Variants in ABCA9 observed in about 807,000 individuals in gnomAD.
The protein encoded by ABCA9 is ATP-binding cassette sub-family A member 9.
A neutral mutation model predicts 205.3 loss-of-function variants in ABCA9; 183 were observed. That is an observed-to-expected ratio of 0.89 (90% CI 0.79 to 1.01). The LOEUF (loss-of-function observed/expected upper bound fraction) is 1.01, where lower values mean the gene tolerates loss of function less well. Ranked by LOEUF, ABCA9 falls within the 50% of genes least tolerant of loss-of-function variation. ABCA9 has a pLI of 0.00. For synonymous variants in ABCA9, 651 were observed against 683.3 expected (o/e 0.95, Z 0.74); for missense variants, 1,805 against 1,912.4 (o/e 0.94, Z 1.05).
intron 35 of ABCA9, 92 bp from the exon 36 acceptor site, chr17:68,983,941 T>C (rs1598329545): frequency 1.9e-6 from 3 of 1,602,620 alleles, no homozygotes; most frequent in East Asian, 2.2e-5. Context: ...TAAGGCCACA[T>C]AGAGTTGGAA....
chr17:69,071,444 G>A, the ABCA9 span, among the ~76,000 whole-genome samples: 1 of 152,306 alleles, frequency 6.6e-6, no homozygotes, highest in East Asian at 1.9e-4. Context: ...TGAGACCCAG[G>A]CAAACAGGGT....
At chr17:68,976,395 G>T (rs1310132203) in intron 37 of ABCA9, among the ~76,000 whole-genome samples, 2 of 152,126 alleles carry the variant, frequency 1.3e-5, no homozygotes. Flanking sequence ...ATTGGTAGAG[G>T]CACCACAAAA....
chr17:69,059,829 T>C (rs2072183313), intron 1 of ABCA9, among the ~76,000 whole-genome samples: 1 of 152,176 alleles, frequency 6.6e-6, no homozygotes, highest in South Asian at 2.1e-4. Flanking sequence ...CATGGACTTA[T>C]GTTTAAAAAC....
chr17:68,979,965 A>C (rs879192318), intron 37 of ABCA9, among the ~76,000 whole-genome samples: 1 of 152,236 alleles, frequency 6.6e-6, no homozygotes, highest in East Asian at 1.9e-4. Flanking sequence ...GCTTCTGCAC[A>C]GCAAAAGAAA....
intron 4 of ABCA9, 111 bp downstream of exon 4, chr17:69,045,061 C>G (rs962125600): frequency 1.5e-5 from 12 of 787,222 alleles, no homozygotes; most frequent in South Asian, 4.3e-5. Flanking sequence ...AATTAAAGCT[C>G]TATGTTGTGG....
intron 10 of ABCA9, among the ~76,000 whole-genome samples, chr17:69,029,775 A>G (rs2071100842): frequency 6.6e-6 from 1 of 152,228 alleles, no homozygotes; most frequent in African/African-American, 2.4e-5. Context: ...ATGTAGAGTA[A>G]ATAAGATAAT....
the ABCA9 span, among the ~76,000 whole-genome samples, chr17:69,070,444 G>T: frequency 6.6e-6 from 1 of 152,062 alleles, no homozygotes; most frequent in Non-Finnish European, 1.5e-5. Context: ...CATTGAGGGG[G>T]AGCAGAAGCA....
At chr17:69,038,857 A>T (rs2071433614) in intron 6 of ABCA9, among the ~76,000 whole-genome samples, 1 of 152,182 alleles carries the variant, frequency 6.6e-6, no homozygotes, top group African/African-American at 2.4e-5. Context: ...TTGATAAGCA[A>T]CTTCAGCAAA....
At chr17:68,978,512 G>T (rs1199679552) in intron 37 of ABCA9, among the ~76,000 whole-genome samples, 1 of 152,062 alleles carries the variant, frequency 6.6e-6, no homozygotes, top group African/African-American at 2.4e-5. Flanking sequence ...CCTGTCATTA[G>T]GATGTTAGCT....
intron 30 of ABCA9, among the ~76,000 whole-genome samples, chr17:68,989,454 G>A (rs537922863): frequency 1.3e-4 from 20 of 152,226 alleles, no homozygotes; most frequent in African/African-American, 4.6e-4. Flanking sequence ...CCACTTTCAC[G>A]AAATGGGCTG....
At chr17:68,977,128 G>T (rs1447466799) in intron 37 of ABCA9, among the ~76,000 whole-genome samples, 2 of 152,140 alleles carry the variant, frequency 1.3e-5, no homozygotes, top group African/African-American at 4.8e-5. Context: ...GATTTCAAAG[G>T]GGAGGTATCT....
chr17:69,031,412 A>G (rs1396589203), intron 10 of ABCA9, among the ~76,000 whole-genome samples: 1 of 152,224 alleles, frequency 6.6e-6, no homozygotes, highest in Non-Finnish European at 1.5e-5. Flanking sequence ...TGTATCATAA[A>G]TGTCCTGAGT....
At chr17:69,064,306 G>C (rs1024307835), upstream of ABCA9, among the ~76,000 whole-genome samples, 1 of 151,726 alleles carries the variant, frequency 6.6e-6, no homozygotes, top group Admixed American at 6.6e-5. Flanking sequence ...TCAGTATTTT[G>C]TTCTACTAGT....
intron 27 of ABCA9, 118 bp downstream of exon 27, chr17:68,992,898 T>A: frequency 4.1e-6 from 3 of 726,164 alleles, no homozygotes; most frequent in Non-Finnish European, 6.9e-6. Flanking sequence ...CATGTGTGTG[T>A]TGCTTCAAAT....
At position 68,984,053 on chromosome 17, in the gene ABCA9, C is replaced by T. The variant is rs1403954164; in HGVS notation, c.4499+3G>A. 3 of 1,614,118 alleles carry T rather than the reference C, an allele frequency of 1.9e-6. No homozygotes were observed. Among genetic ancestry groups the T allele is most frequent in the East Asian group, 2.2e-5 (1 of 44,874 alleles). On this transcript the variant is annotated splice_donor_region_variant and intron_variant, in intron 35 of 38. Transcript: ENST00000340001. ...CTGAGCGCCGGCTTGGACAGGCACT[C>T]ACCTCAGCCTTCCTGACACCATGAT...
chr17:69,029,203 A>G lies in ABCA9; in HGVS notation c.1470T>C (p.Tyr490=). Residue 490 remains tyrosine (Y), a synonymous_variant, in exon 11 of 39, where the codon TAT becomes TAC. Coordinates refer to ENST00000340001, the MANE Select transcript of ABCA9 (RefSeq NM_080283.4). The part of the protein sequence containing the change: ...AIRIKNLKKE[Y]AGKCERVEAL... ...CTTCTACTCTCTCACACTTCCCTGCATATTCTTTTTTAAGATTTTTGATTC... is the reference window on the plus strand; with the variant it reads ...CTTCTACTCTCTCACACTTCCCTGCGTATTCTTTTTTAAGATTTTTGATTC... The G allele has an allele frequency of 3.8e-6, 6 of 1,562,172 alleles. No homozygotes were observed. The highest frequency in any genetic ancestry group is 5.2e-6 in the Non-Finnish European group (6 of 1,143,678).
At chr17:69,071,148 G>T in the ABCA9 span, among the ~76,000 whole-genome samples, 1 of 152,200 alleles carries the variant, frequency 6.6e-6, no homozygotes, top group Non-Finnish European at 1.5e-5. Context: ...GGGAGAAGGG[G>T]CGGCTGTGGG....
Position 68,976,132 on chromosome 17 carries a change from C to A in ABCA9, c.4776+3G>T. The A allele has an allele frequency of 6.2e-7, 1 of 1,613,732 alleles. No homozygotes were observed. The highest frequency in any genetic ancestry group is 8.5e-7 in the Non-Finnish European group (1 of 1,179,770). On this transcript the variant is annotated splice_donor_region_variant and intron_variant, in intron 38 of 38. Coordinates refer to ENST00000340001, the MANE Select transcript of ABCA9 (RefSeq NM_080283.4). ...TGATATAGAATCACTAAAAATGACC[C>A]ACCTGCTCCAGGGTAGACTGTGAGA... is the stretch of plus-strand genomic sequence containing the variant.
intron 22 of ABCA9, 130 bp downstream of exon 22, chr17:69,016,123 T>TATATATACAC (rs1270372994): frequency 1.6e-3 from 175 of 106,904 alleles, no homozygotes; most frequent in Middle Eastern, 6.2e-3. Flanking sequence ...TATATATATA[T>TATATATACAC]ACACACACAC....
Sources: gnomAD v4.1 joint callset for allele counts (sites outside exome capture counted in the v4.1 genomes callset) on GRCh38, gnomAD v4.1.1 for gene constraint, MANE v1.5 for transcripts, NCBI Gene and HGNC (gene_info 2026-07-23, HGNC 2026-07-21) for gene names.